The following COMMD5 variants were observed in gnomAD, a reference collection of about 807,000 sequenced individuals.
COMMD5 encodes COMM domain-containing protein 5.
COMMD5 carries 10 observed loss-of-function variants against 6.9 expected under a neutral mutation model. The observed-to-expected ratio is 1.44, with a 90% CI of 0.89 to 2.45. The LOEUF (loss-of-function observed/expected upper bound fraction) is 2.45. Among genes scored for constraint, COMMD5 ranks in the 30% most tolerant of loss-of-function variants. COMMD5 has a pLI of 0.00. For synonymous variants in COMMD5, 127 were observed against 125.3 expected, an observed-to-expected ratio of 1.01 and a Z score of -0.09; for missense variants, 234 against 287.8, an observed-to-expected ratio of 0.81 and a Z score of 1.35.
downstream of COMMD5, among the ~76,000 whole-genome samples, chr8:144,839,466 G>T (rs1432266756): frequency 1.3e-5 from 2 of 152,252 alleles, no homozygotes; most frequent in African/African-American, 4.8e-5. Context: ...CCATTAAAAT[G>T]TCTCCAACAT....
downstream of COMMD5, among the ~76,000 whole-genome samples, chr8:144,839,540 C>T (rs1563836528): frequency 1.3e-5 from 2 of 152,218 alleles, no homozygotes; most frequent in African/African-American, 2.4e-5. Flanking sequence ...AGAAATAGTT[C>T]AGTGGGTTTA....
chr8:144,846,124 C>A (rs1459869882), downstream of COMMD5: 2 of 1,536,410 alleles, frequency 1.3e-6, no homozygotes, highest in East Asian at 2.4e-5. Context: ...TTGGCCACTT[C>A]CTGGTTCATG....
downstream of COMMD5, chr8:144,847,470 G>T (rs574008605): frequency 6.6e-6 from 1 of 152,244 alleles, no homozygotes; most frequent in South Asian, 2.1e-4. Context: ...AACATTTTGG[G>T]TTTCTGTTTT....
At chr8:144,842,605 A>G in intron 1 of COMMD5, 1 of 1,614,206 alleles carries the variant, frequency 6.2e-7, no homozygotes, top group Non-Finnish European at 8.5e-7. Context: ...CTATGTGTGT[A>G]ATGACTGTGG....
At chr8:144,842,438 A>G (rs1217991195) in intron 1 of COMMD5, 5 of 1,614,178 alleles carry the variant, frequency 3.1e-6, no homozygotes, top group Non-Finnish European at 4.2e-6. Flanking sequence ...TATAAATGCA[A>G]CAAGTGTACA....
At chr8:144,842,267 A>C (rs1452732863) in intron 1 of COMMD5, 2 of 1,613,996 alleles carry the variant, frequency 1.2e-6, no homozygotes, top group East Asian at 4.5e-5. Context: ...CATACTGGGG[A>C]GAAAGCTCAA....
At chr8:144,839,596 T>C (rs902183292), downstream of COMMD5, among the ~76,000 whole-genome samples, 1 of 152,202 alleles carries the variant, frequency 6.6e-6, no homozygotes, top group African/African-American at 2.4e-5. Context: ...AACAAAAAAA[T>C]AGAATCCCAC....
chr8:144,842,277 A>C (rs752036728), intron 1 of COMMD5: 2 of 1,614,084 alleles, frequency 1.2e-6, no homozygotes, highest in Non-Finnish European at 1.7e-6. Flanking sequence ...AGAAAGCTCA[A>C]ATTCTAAAAG....
downstream of COMMD5, among the ~76,000 whole-genome samples, chr8:144,848,285 G>A (rs1262813791): frequency 1.3e-5 from 2 of 151,926 alleles, no homozygotes; most frequent in South Asian, 2.1e-4. Flanking sequence ...CAGACTGGAT[G>A]ATGGGGAGAC....
chr8:144,840,483 G>A (rs575537899), downstream of COMMD5, among the ~76,000 whole-genome samples: 10 of 152,182 alleles, frequency 6.6e-5, no homozygotes, highest in Non-Finnish European at 8.8e-5. Flanking sequence ...TGATTGTGTC[G>A]TGGTGGGGAC....
intron 1 of COMMD5, chr8:144,843,347 T>C (rs191250917): frequency 1.5e-5 from 11 of 723,770 alleles, no homozygotes; most frequent in Middle Eastern, 4.0e-4. Flanking sequence ...CCCAGCACTT[T>C]GGGAGGCCAA....
downstream of COMMD5, chr8:144,846,919 C>G (rs900678941): frequency 6.6e-6 from 1 of 152,150 alleles, no homozygotes; most frequent in African/African-American, 2.4e-5. Context: ...CAGCTGGTCT[C>G]GATCTTCTGA....
intron 1 of COMMD5, chr8:144,842,668 G>A: frequency 6.2e-7 from 1 of 1,614,188 alleles, no homozygotes; most frequent in Non-Finnish European, 8.5e-7. Context: ...AATCCATAAA[G>A]GAGAGAAGCC....
At chr8:144,844,778 G>A (rs1830417165) in intron 1 of COMMD5, among the ~76,000 whole-genome samples, 1 of 150,862 alleles carries the variant, frequency 6.6e-6, no homozygotes, top group Admixed American at 6.6e-5. Flanking sequence ...AACAAATATG[G>A]GGAGAAGAAC....
downstream of COMMD5, chr8:144,838,879 TTGCAGTGA>T (rs1829438220): frequency 2.8e-5 from 1 of 36,336 alleles, no homozygotes; most frequent in East Asian, 6.1e-4. Flanking sequence ...GAGGCAGAGC[TTGCAGTGA>T]GCCGAGATTG....
chr8:144,842,887 T>G (rs1214579555), intron 1 of COMMD5: 2 of 1,614,218 alleles, frequency 1.2e-6, no homozygotes, highest in East Asian at 2.2e-5. Context: ...CAGCCGGAGC[T>G]CATATCTTAT....
At chr8:144,840,458 T>C (rs1829735790), downstream of COMMD5, among the ~76,000 whole-genome samples, 1 of 152,060 alleles carries the variant, frequency 6.6e-6, no homozygotes, top group Non-Finnish European at 1.5e-5. Context: ...GGCTGCGTGG[T>C]TGTGGTTGTG....
downstream of COMMD5, among the ~76,000 whole-genome samples, chr8:144,840,497 G>A (rs1829743407): frequency 1.3e-5 from 2 of 152,188 alleles, no homozygotes; most frequent in Admixed American, 6.5e-5. Context: ...TGGGGACCGT[G>A]GTTGTCATGA....
chr8:144,841,925 C>T (rs769230172), intron 1 of COMMD5: 53 of 1,614,034 alleles, frequency 3.3e-5, no homozygotes, highest in Admixed American at 1.7e-4. Context: ...AGAATCCACA[C>T]GGGAGAGAAA....
Sources: gnomAD v4.1 joint callset for allele counts (sites outside exome capture counted in the v4.1 genomes callset) on GRCh38, gnomAD v4.1.1 for gene constraint, MANE v1.5 for transcripts, NCBI Gene and HGNC (gene_info 2026-07-23, HGNC 2026-07-21) for gene names.